Variants in CAST observed in about 807,000 individuals in gnomAD.
CAST encodes the protein calpastatin.
In CAST, 76 loss-of-function variants were observed where a neutral mutation model predicts 119.6. That is an observed-to-expected ratio of 0.64 (90% CI 0.53 to 0.77). The LOEUF (loss-of-function observed/expected upper bound fraction) is 0.77. Among genes scored for constraint, CAST ranks in the 30% least tolerant of loss-of-function variants. The pLI, the probability that CAST is intolerant of heterozygous loss-of-function variation, is 0.00. For synonymous variants in CAST, 319 were observed against 331.6 expected (o/e 0.96, Z 0.41); for missense variants, 953 against 946.5 (o/e 1.01, Z -0.09).
chr5:96,261,868 A>C, the CAST span, among the ~76,000 whole-genome samples: 4 of 152,344 alleles, frequency 2.6e-5, no homozygotes, highest in East Asian at 7.7e-4. Flanking sequence ...AAGGGGGAGA[A>C]AACGAATATT....
At chr5:96,403,271 T>C in the CAST span, among the ~76,000 whole-genome samples, 2 of 152,208 alleles carry the variant, frequency 1.3e-5, no homozygotes, top group Non-Finnish European at 2.9e-5. Context: ...TTTCTTTTTT[T>C]ATTATTATTA....
At chr5:96,135,483 G>C in the CAST span, among the ~76,000 whole-genome samples, 1 of 152,186 alleles carries the variant, frequency 6.6e-6, no homozygotes, top group Non-Finnish European at 1.5e-5. Context: ...GTTTAGGTAA[G>C]GGGTAAGGGA....
At chr5:96,473,913 T>C in the CAST span, among the ~76,000 whole-genome samples, 3 of 152,282 alleles carry the variant, frequency 2.0e-5, no homozygotes, top group East Asian at 3.9e-4. Flanking sequence ...GAAGAGTCAG[T>C]GTCCTCCCAG....
chr5:96,496,497 T>G, the CAST span, among the ~76,000 whole-genome samples: 15 of 152,338 alleles, frequency 9.8e-5, no homozygotes, highest in East Asian at 2.9e-3. Context: ...GGCATATGGA[T>G]AGGCTTAGAC....
intron 27 of CAST, among the ~76,000 whole-genome samples, chr5:96,767,027 T>G (rs1032324928): frequency 6.6e-6 from 1 of 152,202 alleles, no homozygotes; most frequent in Non-Finnish European, 1.5e-5. Context: ...CTTTGGGAAA[T>G]TTATTATTTA....
the CAST span, chr5:95,961,961 A>G: frequency 4.4e-6 from 2 of 451,914 alleles, no homozygotes; most frequent in Admixed American, 8.7e-5. Flanking sequence ...AACCGCCCTC[A>G]TCGGCCGCCC....
the CAST span, among the ~76,000 whole-genome samples, chr5:96,084,235 A>T: frequency 2.6e-5 from 4 of 152,296 alleles, no homozygotes; most frequent in Non-Finnish European, 4.4e-5. Context: ...TGGTTACAAG[A>T]GAAAAAGGAA....
At chr5:95,975,815 G>T in the CAST span, among the ~76,000 whole-genome samples, 4,013 of 152,214 alleles carry the variant, frequency 0.026, 177 homozygotes, top group African/African-American at 0.091. Flanking sequence ...ATTTCACAAG[G>T]TTCTTTTATA....
chr5:96,248,945 G>A, the CAST span, among the ~76,000 whole-genome samples: 1 of 152,206 alleles, frequency 6.6e-6, no homozygotes, highest in Non-Finnish European at 1.5e-5. Context: ...GTATTGTTAG[G>A]AGAAGGTTTG....
intron 1 of CAST, among the ~76,000 whole-genome samples, chr5:96,540,990 G>A (rs1368960531): frequency 6.6e-6 from 1 of 151,958 alleles, no homozygotes; most frequent in Admixed American, 6.6e-5. Flanking sequence ...TCCACTATGA[G>A]GTTACCCTTT....
the CAST span, among the ~76,000 whole-genome samples, chr5:96,359,473 GT>G: frequency 6.6e-6 from 1 of 152,192 alleles, no homozygotes; most frequent in African/African-American, 2.4e-5. Context: ...GCTGGTACCT[GT>G]TTTTCCTTTC....
intron 29 of CAST, 33 bp downstream of exon 29, chr5:96,768,032 A>G (rs1016519024): frequency 2.2e-6 from 3 of 1,343,612 alleles, no homozygotes; most frequent in Admixed American, 3.4e-5. Flanking sequence ...ACTCTTTGAA[A>G]TGTGTGTGTG....
At chr5:96,433,866 A>G in the CAST span, among the ~76,000 whole-genome samples, 16 of 152,338 alleles carry the variant, frequency 1.1e-4, no homozygotes, top group African/African-American at 2.9e-4. Flanking sequence ...TTGTTTCTCA[A>G]CCTCAGTAAA....
the CAST span, among the ~76,000 whole-genome samples, chr5:96,023,108 G>A: frequency 6.6e-6 from 1 of 152,200 alleles, no homozygotes; most frequent in Non-Finnish European, 1.5e-5. Flanking sequence ...GCTGGGGAAA[G>A]GAGATGGAAC....
intron 3 of CAST, among the ~76,000 whole-genome samples, chr5:96,700,072 T>A (rs1753706374): frequency 6.6e-6 from 1 of 152,174 alleles, no homozygotes; most frequent in African/African-American, 2.4e-5. Context: ...TTCTTACTTT[T>A]CTCATCTGTA....
chr5:96,123,682 C>T, the CAST span, among the ~76,000 whole-genome samples: 1 of 152,190 alleles, frequency 6.6e-6, no homozygotes, highest in East Asian at 1.9e-4. Flanking sequence ...TTGGTATGTA[C>T]CCACATTGCA....
chr5:96,724,744 G>T (rs1357558307), intron 4 of CAST, among the ~76,000 whole-genome samples: 1 of 151,996 alleles, frequency 6.6e-6, no homozygotes, highest in African/African-American at 2.4e-5. Context: ...GATGGCTTGA[G>T]CCCAGGAGAT....
the CAST span, chr5:96,412,420 G>A: frequency 5.9e-5 from 95 of 1,613,510 alleles, no homozygotes; most frequent in Non-Finnish European, 7.4e-5. Context: ...AAATATCCAC[G>A]TGTCCAGGAT....
intron 3 of CAST, among the ~76,000 whole-genome samples, chr5:96,721,002 A>G (rs1313250930): frequency 2.0e-5 from 3 of 152,238 alleles, no homozygotes; most frequent in African/African-American, 4.8e-5. Context: ...ATAGAATTAC[A>G]TAAATACAGG....
Sources: allele counts gnomAD v4.1 joint callset (sites outside exome capture counted in the v4.1 genomes callset), GRCh38; gene constraint gnomAD v4.1.1; transcripts MANE v1.5; gene names NCBI Gene and HGNC (gene_info 2026-07-23, HGNC 2026-07-21).